Variants in MCMBP observed in about 807,000 individuals in gnomAD.
MCMBP encodes mini-chromosome maintenance complex-binding protein.
In MCMBP, 31 loss-of-function variants were observed where a neutral mutation model predicts 81.3. That is an observed-to-expected ratio of 0.38 (90% confidence interval 0.29 to 0.51). The LOEUF (loss-of-function observed/expected upper bound fraction) is 0.51, where lower values mean the gene tolerates loss of function less well. Among genes scored for constraint, MCMBP ranks in the 20% least tolerant of loss-of-function variants. MCMBP has a pLI of 0.87. For missense variants in MCMBP, 645 were observed against 772.1 expected (o/e 0.84, Z 1.95); for synonymous variants, 267 against 275.9 (o/e 0.97, Z 0.32).
chr10:119,835,367 A>G (rs997086339), intron 14 of MCMBP, among the ~76,000 whole-genome samples, 173 bp downstream of exon 14: 12 of 152,232 alleles, frequency 7.9e-5, no homozygotes, highest in Admixed American at 2.6e-4. Context: ...AAAATGGGAC[A>G]CTGGAAAATA....
chr10:119,870,004 T>G (rs1400414016), intron 1 of MCMBP, among the ~76,000 whole-genome samples: 1 of 152,236 alleles, frequency 6.6e-6, no homozygotes, highest in Admixed American at 6.5e-5. Context: ...ATTTTTAATT[T>G]TGTGTAATTT....
intron 1 of MCMBP, among the ~76,000 whole-genome samples, chr10:119,861,315 TAACA>T (rs1853247401): frequency 1.3e-5 from 2 of 152,158 alleles, no homozygotes; most frequent in South Asian, 2.1e-4. Context: ...TTAAATCCAC[TAACA>T]AACTAGTCCT....
chr10:119,847,599 G>T lies in MCMBP; in HGVS notation c.827+14C>A. The T allele has an allele frequency of 6.6e-7, 1 of 1,506,154 alleles. No individual in the cohort carries two copies. Among genetic ancestry groups the T allele is most frequent in the Non-Finnish European group, 9.1e-7 (1 of 1,095,126 alleles). 93.3% of individuals were successfully genotyped at this position (1,506,154 alleles called of 1,614,324 possible). A position where few individuals can be genotyped will look rare whatever the true frequency, so the allele number is the denominator to read the frequency against. ...AAAAATAAAGGAGACCAAAAAAAGA[G>T]CACACAGACTCACCTTTCATCATTA... is the stretch of plus-strand genomic sequence containing the variant. On this transcript the variant is annotated intron_variant, in intron 8 of 15. Transcript: ENST00000369077.
intron 1 of MCMBP, among the ~76,000 whole-genome samples, chr10:119,864,231 G>A (rs1314263629): frequency 6.6e-6 from 1 of 152,244 alleles, no homozygotes; most frequent in African/African-American, 2.4e-5. Context: ...TGCAAGTCCT[G>A]TCAACAATTT....
intron 1 of MCMBP, among the ~76,000 whole-genome samples, chr10:119,866,684 T>TA (rs1392015034): frequency 1.3e-5 from 2 of 151,916 alleles, no homozygotes; most frequent in African/African-American, 2.4e-5. Context: ...ATGAATACAG[T>TA]AAAAAAAATT....
At chr10:119,835,260 C>G (rs1852199405) in intron 14 of MCMBP, among the ~76,000 whole-genome samples, 3 of 152,150 alleles carry the variant, frequency 2.0e-5, no homozygotes, top group Admixed American at 1.3e-4. Context: ...ACTAAACAAA[C>G]TGGCATTAAT....
rs746487803 is a variant in MCMBP at position 119,859,803 on chromosome 10, T to G, written c.140A>C (p.Lys47Thr). ...CGAAAATAGCAATAAGCTTACCCACTTAGGAGCATTATTTTCCTTCAGCTT... is the reference window on the plus strand; with the variant it reads ...CGAAAATAGCAATAAGCTTACCCACGTAGGAGCATTATTTTCCTTCAGCTT... Reference protein sequence around the residue: ...KEKLKENNAPKWVPSLNEVPL... With the variant: ...KEKLKENNAPTWVPSLNEVPL... The change falls in exon 2 of 16, where the codon AAG becomes ACG. Residue 47 changes from lysine (K) to threonine (T), a missense_variant. Coordinates refer to ENST00000369077, the MANE Select transcript of MCMBP (RefSeq NM_001256378.2). 11 of 1,611,282 alleles carry G rather than the reference T, an allele frequency of 6.8e-6. No individual in the cohort carries two copies. Among genetic ancestry groups the G allele is most frequent in the Middle Eastern group, 1.7e-4 (1 of 6,056 alleles).
chr10:119,847,589 C>CA (rs1175096754), intron 8 of MCMBP, 24 bp downstream of exon 8: 11 of 1,442,108 alleles, frequency 7.6e-6, no homozygotes, highest in African/African-American at 2.9e-5. Context: ...TAAAGGAGAC[C>CA]AAAAAAAGAG....
chr10:119,833,020 T>A (rs1852101961), intron 14 of MCMBP, among the ~76,000 whole-genome samples: 1 of 152,160 alleles, frequency 6.6e-6, no homozygotes, highest in African/African-American at 2.4e-5. Flanking sequence ...GAGCAGGAAA[T>A]GAAGGCTAAG....
intron 5 of MCMBP, among the ~76,000 whole-genome samples, chr10:119,856,323 C>G (rs1853039384): frequency 6.6e-6 from 1 of 152,172 alleles, no homozygotes; most frequent in Non-Finnish European, 1.5e-5. Context: ...CGTAAATAAC[C>G]TAAATGCTCA....
rs1479665498 is a variant in MCMBP at position 119,832,806 on chromosome 10, A to T, written c.1708-706T>A. Among the ~76,000 whole-genome samples the T allele has an allele frequency of 4.9e-4, 75 of 152,196 alleles. 1 individual carries two copies. The highest frequency in any genetic ancestry group is 2.9e-5 in the Non-Finnish European group (2 of 68,032). Reference sequence around the variant, plus strand: ...TCAAAAACAATCGGAAGAAATTACCAATCACCTTAGCTACCTGAGACACTG... The same window carrying T: ...TCAAAAACAATCGGAAGAAATTACCTATCACCTTAGCTACCTGAGACACTG... On this transcript the variant is annotated intron_variant, in intron 14 of 15. Coordinates refer to ENST00000369077, the MANE Select transcript of MCMBP (RefSeq NM_001256378.2).
chr10:119,854,526 G>C (rs1316242825), intron 5 of MCMBP, among the ~76,000 whole-genome samples: 1 of 144,026 alleles, frequency 6.9e-6, no homozygotes, highest in Non-Finnish European at 1.5e-5. Context: ...AACAAAGGGA[G>C]AGACCCTGTC....
chr10:119,845,494 T>A (rs904295624), intron 8 of MCMBP, among the ~76,000 whole-genome samples: 1 of 152,236 alleles, frequency 6.6e-6, no homozygotes, highest in Non-Finnish European at 1.5e-5. Context: ...AATGTATACG[T>A]ATCTTCATAT....
At chr10:119,871,851 T>A (rs976538670) in intron 1 of MCMBP, among the ~76,000 whole-genome samples, 2 of 152,166 alleles carry the variant, frequency 1.3e-5, no homozygotes, top group Non-Finnish European at 2.9e-5. Context: ...GCAACAGCAA[T>A]CGCAACCAAA....
chr10:119,866,837 C>A (rs1405425601), intron 1 of MCMBP, among the ~76,000 whole-genome samples: 2 of 152,136 alleles, frequency 1.3e-5, no homozygotes, highest in African/African-American at 4.8e-5. Context: ...GTGGCAGGCG[C>A]CTGTAGTCCC....
At chr10:119,841,387 A>T (rs188896263) in intron 10 of MCMBP, among the ~76,000 whole-genome samples, 2 of 152,248 alleles carry the variant, frequency 1.3e-5, no homozygotes, top group Non-Finnish European at 1.5e-5. Flanking sequence ...TTGAGAAAAG[A>T]TAAGATTTAC....
In MCMBP at chr10:119,838,619, C is replaced by G; in HGVS notation, c.1324G>C (p.Val442Leu). The G allele has an allele frequency of 6.2e-7, 1 of 1,614,094 alleles. No individual in the cohort carries two copies. Among genetic ancestry groups the G allele is most frequent in the Non-Finnish European group, 8.5e-7 (1 of 1,179,980 alleles). The change falls in exon 12 of 16, where the codon GTC becomes CTC. Residue 442 changes from valine (V) to leucine (L), a missense_variant. Transcript: ENST00000369077. Reference sequence around the variant, plus strand: ...CTGGGCAGCTGGAGGAGCCCACTGACCAAGCGATTGGCTGTGTAGTCTTTG... The same window carrying G: ...CTGGGCAGCTGGAGGAGCCCACTGAGCAAGCGATTGGCTGTGTAGTCTTTG... Reference protein sequence around the residue: ...PHKDYTANRLVSGLLQLPSNT... With the variant: ...PHKDYTANRLLSGLLQLPSNT...
At chr10:119,852,653 G>C (rs1271658155) in intron 6 of MCMBP, among the ~76,000 whole-genome samples, 1 of 152,188 alleles carries the variant, frequency 6.6e-6, no homozygotes, top group Non-Finnish European at 1.5e-5. Flanking sequence ...ACTCTAGCCT[G>C]GGTGATGGGA....
chr10:119,843,742 A>C (rs1852521135), intron 8 of MCMBP, among the ~76,000 whole-genome samples: 1 of 151,874 alleles, frequency 6.6e-6, no homozygotes, highest in South Asian at 2.1e-4. Flanking sequence ...GCTCATTGCA[A>C]CCTCTGCCTC....
Sources: gnomAD v4.1 joint callset for allele counts (sites outside exome capture counted in the v4.1 genomes callset) on GRCh38, gnomAD v4.1.1 for gene constraint, MANE v1.5 for transcripts, NCBI Gene and HGNC (gene_info 2026-07-23, HGNC 2026-07-21) for gene names.